Variants in CHN2 observed in about 807,000 individuals in gnomAD.
CHN2 encodes the protein beta-chimaerin.
Under a neutral mutation model 56.3 loss-of-function variants are expected in CHN2, and 35 were observed. The ratio of observed to expected loss-of-function variants is 0.62; its 90% confidence interval spans 0.47 to 0.82. The LOEUF (loss-of-function observed/expected upper bound fraction) is 0.82. Ranked by LOEUF, CHN2 falls within the 40% of genes least tolerant of loss-of-function variation. CHN2 has a pLI of 0.00. For synonymous variants in CHN2, 210 were observed against 212.8 expected (o/e 0.99, Z 0.12); for missense variants, 491 against 580.5 (o/e 0.85, Z 1.58).
intron 1 of CHN2, among the ~76,000 whole-genome samples, chr7:29,204,089 G>C (rs1784358079): frequency 6.6e-6 from 1 of 151,312 alleles, no homozygotes; most frequent in African/African-American, 2.4e-5. Flanking sequence ...GTGTGTGTGT[G>C]TGTGTGTGTG....
At chr7:29,488,296 CAT>C (rs1430596066) in intron 7 of CHN2, among the ~76,000 whole-genome samples, 3 of 152,176 alleles carry the variant, frequency 2.0e-5, no homozygotes, top group African/African-American at 7.2e-5. Context: ...CCTAATTTTT[CAT>C]ATGAGATGAA....
intron 6 of CHN2, among the ~76,000 whole-genome samples, chr7:29,455,554 A>T (rs778578842): frequency 1.3e-5 from 2 of 152,112 alleles, no homozygotes; most frequent in Non-Finnish European, 2.9e-5. Flanking sequence ...GAACTGTGGG[A>T]TTCCAGTTTT....
chr7:29,302,500 CTTTTTTT>C (rs70980525), intron 1 of CHN2, among the ~76,000 whole-genome samples: 1 of 117,818 alleles, frequency 8.5e-6, no homozygotes, highest in African/African-American at 3.4e-5. Context: ...AATTTTAATT[CTTTTTTT>C]TTTTTTTTTT....
chr7:29,205,154 C>T (rs1784430726), intron 1 of CHN2, among the ~76,000 whole-genome samples: 1 of 152,172 alleles, frequency 6.6e-6, no homozygotes, highest in Non-Finnish European at 1.5e-5. Context: ...ATGTCTGAAT[C>T]CATCTGTAGT....
intron 7 of CHN2, among the ~76,000 whole-genome samples, chr7:29,494,322 T>C (rs1788999049): frequency 6.6e-6 from 1 of 152,170 alleles, no homozygotes; most frequent in Admixed American, 6.5e-5. Context: ...TTATTATATT[T>C]AATTGATCTT....
chr7:29,161,412 C>T (rs1370836358), intron 2 of CHN2, among the ~76,000 whole-genome samples: 2 of 152,004 alleles, frequency 1.3e-5, no homozygotes, highest in Non-Finnish European at 2.9e-5. Flanking sequence ...CATGCAGCAA[C>T]TTTCACAATC....
At chr7:29,501,758 C>T (rs1395956091) in intron 9 of CHN2, among the ~76,000 whole-genome samples, 1 of 152,166 alleles carries the variant, frequency 6.6e-6, no homozygotes, top group Non-Finnish European at 1.5e-5. Context: ...TGTGGGGCCA[C>T]CACTACCAAC....
chr7:29,307,813 G>A (rs1794287070), intron 1 of CHN2, among the ~76,000 whole-genome samples: 1 of 152,176 alleles, frequency 6.6e-6, no homozygotes, highest in Admixed American at 6.5e-5. Context: ...GGGCCATGTG[G>A]AATGTGGCCC....
intron 1 of CHN2, among the ~76,000 whole-genome samples, chr7:29,199,363 T>A (rs1356949160): frequency 7.9e-5 from 12 of 152,246 alleles, no homozygotes; most frequent in Non-Finnish European, 1.3e-4. Context: ...TGAGAAGTTT[T>A]CTTTTGGACC....
chr7:29,326,661 A>C lies in CHN2; in HGVS notation c.50-27964A>C, dbSNP rs28591435. ...TTGGTTTGTTTTGTCTTTTCCTACT[A>C]ATGGGCTTGTCTTTGTAGTGTCCAT... On this transcript the variant is annotated intron_variant, in intron 1 of 12. Coordinates refer to ENST00000222792, the MANE Select transcript of CHN2 (RefSeq NM_004067.4). Among the ~76,000 whole-genome samples, 1,376 of 152,230 alleles carry C rather than the reference A, an allele frequency of 9.0e-3. 20 individuals are homozygous for C. The highest frequency in any genetic ancestry group is 0.031 in the African/African-American group (1,283 of 41,532).
chr7:29,446,976 A>T (rs1784075263), intron 6 of CHN2, among the ~76,000 whole-genome samples: 1 of 152,198 alleles, frequency 6.6e-6, no homozygotes, highest in East Asian at 1.9e-4. Context: ...AGCAAGACAC[A>T]AAAGGGTCAA....
At chr7:29,414,817 CT>C (rs1265069756) in intron 6 of CHN2, among the ~76,000 whole-genome samples, 4 of 152,136 alleles carry the variant, frequency 2.6e-5, no homozygotes, top group Non-Finnish European at 5.9e-5. Context: ...TCTTCCAGTT[CT>C]TTGCAATGTC....
chr7:29,366,918 TTTTTA>T (rs1357701690), intron 2 of CHN2, among the ~76,000 whole-genome samples: 2 of 152,218 alleles, frequency 1.3e-5, no homozygotes, highest in African/African-American at 4.8e-5. Context: ...TCAATTACAT[TTTTTA>T]TTTTTAGACC....
intron 6 of CHN2, among the ~76,000 whole-genome samples, chr7:29,464,788 T>G (rs926293576): frequency 2.6e-5 from 4 of 152,150 alleles, no homozygotes; most frequent in African/African-American, 4.8e-5. Flanking sequence ...AACAGGGAGC[T>G]CCATCTGCTT....
At chr7:29,366,384 G>A (rs1481695616) in intron 2 of CHN2, among the ~76,000 whole-genome samples, 2 of 152,164 alleles carry the variant, frequency 1.3e-5, no homozygotes, top group African/African-American at 2.4e-5. Flanking sequence ...GCAGCAACAT[G>A]CATAGGAAAA....
intron 1 of CHN2, among the ~76,000 whole-genome samples, chr7:29,270,067 T>C (rs1790495372): frequency 6.6e-6 from 1 of 152,254 alleles, no homozygotes; most frequent in South Asian, 2.1e-4. Flanking sequence ...GTCCTTCTCA[T>C]TCTCTGCCTT....
At chr7:29,409,463 G>T (rs1353673471) in intron 6 of CHN2, among the ~76,000 whole-genome samples, 1 of 152,154 alleles carries the variant, frequency 6.6e-6, no homozygotes, top group Non-Finnish European at 1.5e-5. Context: ...TATTGGCATT[G>T]TTTTTACATT....
At chr7:29,457,135 G>A (rs1265983554) in intron 6 of CHN2, among the ~76,000 whole-genome samples, 3 of 152,162 alleles carry the variant, frequency 2.0e-5, no homozygotes, top group African/African-American at 4.8e-5. Context: ...GCTCGGGAAC[G>A]TGAGGCCCCC....
chr7:29,507,869 G>A (rs929790523), intron 11 of CHN2, among the ~76,000 whole-genome samples: 2 of 152,090 alleles, frequency 1.3e-5, no homozygotes, highest in African/African-American at 4.8e-5. Context: ...AATTTGTGCT[G>A]GGCCATGTTC....
Sources: gnomAD v4.1 joint callset for allele counts (sites outside exome capture counted in the v4.1 genomes callset) on GRCh38, gnomAD v4.1.1 for gene constraint, MANE v1.5 for transcripts, NCBI Gene and HGNC (gene_info 2026-07-23, HGNC 2026-07-21) for gene names.